RNF150: variants seen among roughly 807,000 people sequenced by gnomAD.
The protein encoded by RNF150 is ring finger protein 150.
In RNF150, 24 loss-of-function variants were observed where a neutral mutation model predicts 39.3. That is an observed-to-expected ratio of 0.61 (90% CI 0.44 to 0.86). The LOEUF is 0.86. Among genes scored for constraint, RNF150 ranks in the 40% least tolerant of loss-of-function variants. RNF150 has a pLI of 0.00. For synonymous variants in RNF150, 255 were observed against 227.3 expected (o/e 1.12, Z -1.10); for missense variants, 502 against 587.8 (o/e 0.85, Z 1.51).
At chr4:141,125,252 T>A (rs1726718570) in intron 1 of RNF150, among the ~76,000 whole-genome samples, 1 of 137,420 alleles carries the variant, frequency 7.3e-6, no homozygotes, top group Non-Finnish European at 1.6e-5. Context: ...GTAAAGGTCA[T>A]ATTATACCTG....
chr4:140,918,884 T>G (rs1229896825), intron 5 of RNF150, among the ~76,000 whole-genome samples: 1 of 152,118 alleles, frequency 6.6e-6, no homozygotes, highest in Non-Finnish European at 1.5e-5. Context: ...GATCAACATA[T>G]GCAAATCAAT....
intron 1 of RNF150, among the ~76,000 whole-genome samples, chr4:141,083,191 C>T (rs2110985470): frequency 6.6e-6 from 1 of 152,324 alleles, no homozygotes; most frequent in Non-Finnish European, 1.5e-5. Context: ...TAATTTCCCC[C>T]TCCAACCATA....
rs1375350444 is a variant in RNF150 at position 141,090,130 on chromosome 4, CA to C, written c.484+42194del. Reference sequence around the variant, plus strand: ...TTAACATGTGACTTCTTACTAGTCCCAGGGGGCAGCTTGAGCAGCCCCTAGA... The same window carrying C: ...TTAACATGTGACTTCTTACTAGTCCCGGGGGCAGCTTGAGCAGCCCCTAGA... On this transcript the variant is annotated intron_variant, in intron 1 of 6. Coordinates refer to ENST00000515673, the MANE Select transcript of RNF150 (RefSeq NM_020724.2). Among the ~76,000 whole-genome samples, 6 of 152,294 alleles carry C rather than the reference CA, an allele frequency of 3.9e-5. No homozygotes were observed. The East Asian group carries it at 5.8e-4, about 15-fold the overall frequency.
intron 1 of RNF150, among the ~76,000 whole-genome samples, chr4:141,051,733 T>C (rs1736783742): frequency 6.6e-6 from 1 of 152,114 alleles, no homozygotes; most frequent in Non-Finnish European, 1.5e-5. Context: ...AACAGGTTTC[T>C]AGGAAGTTCC....
chr4:141,132,623 G>A lies in RNF150; in HGVS notation c.186C>T (p.Gly62=), dbSNP rs536533182. The A allele has an allele frequency of 7.8e-5, 121 of 1,551,776 alleles. 5 individuals are homozygous for A. The South Asian group carries it at 1.4e-3, about 17-fold the overall frequency. ...TCTCCGTGTGCAGCTCCGCGCCGCCGCCGCCCGCCGCCCCGGCCCCGGGGT... is the reference window on the plus strand; with the variant it reads ...TCTCCGTGTGCAGCTCCGCGCCGCCACCGCCCGCCGCCCCGGCCCCGGGGT... ...APDPGAGAAG[G]GGAELHTEKT... is the part of the protein sequence containing the mutation. Residue 62 remains glycine (G), a synonymous_variant, in exon 1 of 7, where the codon GGC becomes GGT. Transcript: ENST00000515673. This position sits in a 1 kb window ranked among gnomAD's most constrained non-coding sequence, Gnocchi z 4.9.
At chr4:141,142,665 C>A (rs1337304406) in intron 1 of RNF150, among the ~76,000 whole-genome samples, 1 of 152,282 alleles carries the variant, frequency 6.6e-6, no homozygotes, top group East Asian at 1.9e-4. Context: ...CCTCACCTTA[C>A]GTAACCTCTC....
At chr4:141,210,942 T>A (rs2111230611) in intron 1 of RNF150, among the ~76,000 whole-genome samples, 1 of 152,304 alleles carries the variant, frequency 6.6e-6, no homozygotes, top group Non-Finnish European at 1.5e-5. Context: ...TTTGTTTTTG[T>A]GTGTCCTTTT....
At chr4:141,142,192 A>G (rs1487370176) in intron 1 of RNF150, among the ~76,000 whole-genome samples, 1 of 152,160 alleles carries the variant, frequency 6.6e-6, no homozygotes, top group Non-Finnish European at 1.5e-5. Flanking sequence ...AGCCTTTAGA[A>G]TCAAACTCCC....
chr4:141,016,146 C>T (rs1300944084), intron 1 of RNF150, among the ~76,000 whole-genome samples: 4 of 152,096 alleles, frequency 2.6e-5, no homozygotes. Flanking sequence ...TTACTGCGTC[C>T]GTCCCTGACA....
chr4:141,137,008 A>T (rs1727038367), upstream of RNF150, among the ~76,000 whole-genome samples: 1 of 152,216 alleles, frequency 6.6e-6, no homozygotes, highest in Non-Finnish European at 1.5e-5. Context: ...GTACAATCTG[A>T]GGCAAGTACA....
intron 1 of RNF150, among the ~76,000 whole-genome samples, chr4:141,124,073 AT>A (rs1438267360): frequency 6.6e-6 from 1 of 152,236 alleles, no homozygotes; most frequent in Non-Finnish European, 1.5e-5. Context: ...AGGTCCATGA[AT>A]ACCCCGAAGG....
Position 141,189,554 on chromosome 4 carries a change from C to G in RNF150, c.-6+23240G>C, listed in dbSNP as rs185293656. Among the ~76,000 whole-genome samples the G allele has an allele frequency of 2.0e-3, 300 of 152,278 alleles. 1 individual carries two copies. The highest frequency in any genetic ancestry group is 7.0e-3 in the African/African-American group (291 of 41,556). On this transcript the variant is annotated intron_variant, in intron 1 of 7. Coordinates refer to the RNF150 transcript ENST00000420921. ...GGGAGATGAGAGTTTTATCTATAAG[C>G]CTCTGACTGGGGCTGCTGCATTTCT...
intron 1 of RNF150, among the ~76,000 whole-genome samples, chr4:141,008,441 C>T (rs1285595237): frequency 1.3e-5 from 2 of 152,076 alleles, no homozygotes; most frequent in African/African-American, 4.8e-5. Flanking sequence ...ATTTATTAAT[C>T]TTTTCATGGT....
At chr4:140,965,392 A>G (rs1023281913) in intron 2 of RNF150, among the ~76,000 whole-genome samples, 1 of 152,188 alleles carries the variant, frequency 6.6e-6, no homozygotes. Context: ...TCTTCTGGGT[A>G]TATATCCAAG....
At chr4:141,007,758 C>T (rs751139254) in intron 1 of RNF150, among the ~76,000 whole-genome samples, 3 of 152,132 alleles carry the variant, frequency 2.0e-5, no homozygotes, top group Non-Finnish European at 4.4e-5. Context: ...ATAATCTGCC[C>T]ATTTTACACT....
At chr4:141,196,590 T>C (rs1484729157) in intron 1 of RNF150, among the ~76,000 whole-genome samples, 1 of 152,222 alleles carries the variant, frequency 6.6e-6, no homozygotes, top group Non-Finnish European at 1.5e-5. Flanking sequence ...AGGCTTTTGG[T>C]ATAAATACAA....
chr4:141,086,767 T>C (rs187403329), intron 1 of RNF150, among the ~76,000 whole-genome samples: 30 of 151,746 alleles, frequency 2.0e-4, no homozygotes, highest in Non-Finnish European at 2.9e-4. Context: ...TCCTGGTTTA[T>C]AGAAATAAAC....
chr4:141,105,697 T>A (rs547505209), intron 1 of RNF150, among the ~76,000 whole-genome samples: 45 of 152,322 alleles, frequency 3.0e-4, no homozygotes, highest in African/African-American at 1.0e-3. Flanking sequence ...TTTCTTGTAT[T>A]CTTTTAGGTC....
rs997344991 is a variant in RNF150 at position 141,030,971 on chromosome 4, G to A, written c.485-63098C>T. Among the ~76,000 whole-genome samples the A allele has an allele frequency of 1.3e-4, 20 of 151,890 alleles. 1 individual carries two copies. In the South Asian group the frequency reaches 1.5e-3, roughly 11 times the overall value. Reference sequence around the variant, plus strand: ...ATTTTATGTTATATGCTTTTTGAGCGCAATTAAAAAATTTTAAAATATTTT... The same window carrying A: ...ATTTTATGTTATATGCTTTTTGAGCACAATTAAAAAATTTTAAAATATTTT... On this transcript the variant is annotated intron_variant, in intron 1 of 6. Transcript: ENST00000515673.
Sources: gnomAD v4.1 joint callset for allele counts (sites outside exome capture counted in the v4.1 genomes callset) on GRCh38, gnomAD v4.1.1 for gene constraint, Gnocchi (gnomAD v3.1) non-coding constraint, MANE v1.5 for transcripts, NCBI Gene and HGNC (gene_info 2026-07-23, HGNC 2026-07-21) for gene names.